ZNF600: variants seen among roughly 807,000 people sequenced by gnomAD.
ZNF600 encodes zinc finger protein KR-ZNF1.
ZNF600 carries 4 observed loss-of-function variants against 7.3 expected under a neutral mutation model. The ratio of observed to expected loss-of-function variants is 0.55; its 90% confidence interval spans 0.27 to 1.25. The LOEUF is 1.25. Among genes scored for constraint, ZNF600 ranks in the 50% most tolerant of loss-of-function variants. The pLI, the probability that ZNF600 is intolerant of heterozygous loss-of-function variation, is 0.12. For synonymous variants in ZNF600, 290 were observed against 308.9 expected, an observed-to-expected ratio of 0.94 and a Z score of 0.64; for missense variants, 911 against 922.1, an observed-to-expected ratio of 0.99 and a Z score of 0.16.
At chr19:52,810,344 A>C in the ZNF600 span, 1 of 1,603,914 alleles carries the variant, frequency 6.2e-7, no homozygotes. Flanking sequence ...GCGGTGCAAC[A>C]GCAGAAGAGC....
At chr19:52,798,198 G>A in the ZNF600 span, 5 of 157,120 alleles carry the variant, frequency 3.2e-5, no homozygotes, top group Admixed American at 1.9e-4. Flanking sequence ...AGTGGCTCCC[G>A]TCTGTTGGCC....
exon 4 of ZNF600, chr19:52,767,716 C>G (rs1348401365): frequency 1.2e-6 from 2 of 1,609,382 alleles, no homozygotes; most frequent in African/African-American, 1.3e-5. Flanking sequence ...TGGATCACTT[C>G]TGTATTGCCT....
Position 52,778,677 on chromosome 19 carries a change from C to T in ZNF600, c.63+149G>A. 2 of 1,070,132 alleles carry T rather than the reference C, an allele frequency of 1.9e-6. 1 individual carries two copies. The highest frequency in any genetic ancestry group is 3.4e-5 in the South Asian group (2 of 58,326). The allele number at this position is 1,070,132 out of a possible 1,614,324, so 66.3% of individuals were successfully genotyped here. A position where few individuals can be genotyped will look rare whatever the true frequency, so the allele number is the denominator to read the frequency against. ...GGTCACAGGAGATGGAATCTCGGAG[C>T]AGCTGAGAGGAACTAAGGGCAGGCA... On this transcript the variant is annotated intron_variant, in intron 2 of 3. Transcript: ENST00000648973.
the ZNF600 span, among the ~76,000 whole-genome samples, chr19:52,815,101 T>A: frequency 1.1e-4 from 16 of 139,890 alleles, 5 homozygotes; most frequent in African/African-American, 4.6e-4. Context: ...ATATATATAT[T>A]TATATATATA....
At chr19:52,818,489 G>C in the ZNF600 span, among the ~76,000 whole-genome samples, 2 of 152,072 alleles carry the variant, frequency 1.3e-5, no homozygotes, top group Non-Finnish European at 2.9e-5. Context: ...GAGGTGGGTG[G>C]ATTACTTGAG....
At chr19:52,829,530 A>ACACT in the ZNF600 span, among the ~76,000 whole-genome samples, 1 of 28,008 alleles carries the variant, frequency 3.6e-5, no homozygotes, top group Non-Finnish European at 7.2e-5. Flanking sequence ...ATGTGCCACC[A>ACACT]CACTCAGCTA....
chr19:52,811,877 G>T, the ZNF600 span, among the ~76,000 whole-genome samples: 1 of 138,030 alleles, frequency 7.2e-6, no homozygotes, highest in South Asian at 2.4e-4. Flanking sequence ...CGCCCCGTCC[G>T]GGAGGGAGGT....
chr19:52,831,511 GTTT>G, the ZNF600 span, among the ~76,000 whole-genome samples: 2 of 144,936 alleles, frequency 1.4e-5, no homozygotes, highest in Admixed American at 1.4e-4. Flanking sequence ...TTGTTTTTTT[GTTT>G]TTTTTTGAGA....
chr19:52,811,849 C>G, the ZNF600 span, among the ~76,000 whole-genome samples: 1 of 120,720 alleles, frequency 8.3e-6, no homozygotes, highest in Non-Finnish European at 1.8e-5. Flanking sequence ...GAAGTGAGGA[C>G]CCCTCTGCCC....
At chr19:52,767,801 C>T (rs751197564) in intron 3 of ZNF600, 29 bp from the exon 6 acceptor site, 17 of 1,526,254 alleles carry the variant, frequency 1.1e-5, no homozygotes, top group Non-Finnish European at 1.5e-5. Flanking sequence ...AATAGGTTTC[C>T]AATTAAGTAC....
chr19:52,806,934 G>A, the ZNF600 span, among the ~76,000 whole-genome samples: 1 of 152,028 alleles, frequency 6.6e-6, no homozygotes, highest in Non-Finnish European at 1.5e-5. Flanking sequence ...TAGAAAGAAA[G>A]AGCAGAGAGA....
the ZNF600 span, among the ~76,000 whole-genome samples, chr19:52,793,817 CAA>C: frequency 1.6e-5 from 2 of 121,892 alleles, no homozygotes; most frequent in Non-Finnish European, 3.5e-5. Flanking sequence ...CACACACACA[CAA>C]AAGTGATGTA....
the ZNF600 span, among the ~76,000 whole-genome samples, chr19:52,815,441 C>T: frequency 0.011 from 1,573 of 145,370 alleles, 252 homozygotes; most frequent in African/African-American, 0.041. Context: ...CACTTGAACC[C>T]GGGAGGTAGA....
the ZNF600 span, chr19:52,818,005 C>G: frequency 2.5e-6 from 4 of 1,609,660 alleles, no homozygotes; most frequent in Non-Finnish European, 2.5e-6. Flanking sequence ...TTCTTCCTCA[C>G]GTACCAAGAT....
chr19:52,778,757 G>A, intron 2 of ZNF600, 69 bp downstream of exon 4: 2 of 1,536,604 alleles, frequency 1.3e-6, no homozygotes, highest in South Asian at 2.5e-5. Context: ...AGAAAAGACT[G>A]GCTGCTACAA....
At chr19:52,818,150 C>T in the ZNF600 span, 252 of 1,093,146 alleles carry the variant, frequency 2.3e-4, no homozygotes, top group African/African-American at 2.7e-3. Context: ...TGCTGCCTAC[C>T]GCACCACGAA....
intron 1 of ZNF600, among the ~76,000 whole-genome samples, chr19:52,782,480 G>A (rs1433689151): frequency 1.3e-5 from 2 of 151,526 alleles, no homozygotes; most frequent in South Asian, 2.1e-4. Flanking sequence ...CCAACATCAC[G>A]CCATTGCACT....
chr19:52,788,619 C>T (rs1271254625), upstream of ZNF600, among the ~76,000 whole-genome samples: 1 of 152,056 alleles, frequency 6.6e-6, no homozygotes, highest in Non-Finnish European at 1.5e-5. Context: ...GGTCTTGCTC[C>T]CTCCTGCAAA....
At chr19:52,777,416 C>T (rs567957334) in intron 2 of ZNF600, among the ~76,000 whole-genome samples, 38 of 152,000 alleles carry the variant, frequency 2.5e-4, no homozygotes, top group African/African-American at 8.7e-4. Context: ...TGTCTCCCAT[C>T]TGGAATGCCA....
Sources: gnomAD v4.1 joint callset for allele counts (sites outside exome capture counted in the v4.1 genomes callset) on GRCh38, gnomAD v4.1.1 for gene constraint, MANE v1.5 for transcripts, NCBI Gene and HGNC (gene_info 2026-07-23, HGNC 2026-07-21) for gene names.